PTPRA: variants seen among roughly 807,000 people sequenced by gnomAD.
The protein encoded by PTPRA is receptor-type tyrosine-protein phosphatase alpha.
In PTPRA, 25 loss-of-function variants were observed where a neutral mutation model predicts 104.8. That is an observed-to-expected ratio of 0.24 (90% CI 0.17 to 0.33). The LOEUF (loss-of-function observed/expected upper bound fraction) is 0.33. Among genes scored for constraint, PTPRA ranks in the 10% least tolerant of loss-of-function variants. The pLI is 1.00. For missense variants in PTPRA, 765 were observed against 1,015.3 expected, an observed-to-expected ratio of 0.75 and a Z score of 3.35; for synonymous variants, 323 against 368.9, an observed-to-expected ratio of 0.88 and a Z score of 1.43.
intron 7 of PTPRA, among the ~76,000 whole-genome samples, chr20:2,987,557 A>T (rs778584203): frequency 6.6e-6 from 1 of 152,176 alleles, no homozygotes; most frequent in African/African-American, 2.4e-5. Flanking sequence ...GAGAGGAATC[A>T]TGTGCCCCCT....
chr20:2,883,524 C>T (rs1237800013), intron 1 of PTPRA, among the ~76,000 whole-genome samples: 18 of 68,884 alleles, frequency 2.6e-4, no homozygotes, highest in South Asian at 1.5e-3. Flanking sequence ...TGGTGGCGGG[C>T]GCCTGTAGTC....
intron 9 of PTPRA, among the ~76,000 whole-genome samples, chr20:2,992,924 C>A (rs975067888): frequency 2.0e-5 from 3 of 152,164 alleles, no homozygotes; most frequent in Non-Finnish European, 2.9e-5. Flanking sequence ...GAAAGCCTGC[C>A]TCTTCAAAAA....
intron 1 of PTPRA, among the ~76,000 whole-genome samples, chr20:2,922,316 G>A (rs1320397933): frequency 1.3e-5 from 2 of 152,074 alleles, no homozygotes; most frequent in Admixed American, 1.3e-4. Flanking sequence ...AATCCATAAT[G>A]TTTAAATAGG....
chr20:2,980,163 C>T (rs1480537421), intron 6 of PTPRA, among the ~76,000 whole-genome samples: 2 of 142,016 alleles, frequency 1.4e-5, no homozygotes, highest in African/African-American at 2.6e-5. Context: ...CTGCCTGCCT[C>T]GGCCTCCCAA....
In PTPRA at chr20:2,988,465, G is replaced by C; in HGVS notation, c.729G>C (p.Glu243Asp). 1 of 1,612,756 alleles carries C rather than the reference G, an allele frequency of 6.2e-7. No homozygotes were observed. Among genetic ancestry groups the C allele is most frequent in the Non-Finnish European group, 8.5e-7 (1 of 1,179,752 alleles). The change falls in exon 9 of 24, where the codon GAG becomes GAC. Residue 243 changes from glutamate to aspartate, a missense_variant. Glu to Asp is a conservative substitution (Grantham distance 45). Transcript: ENST00000399903. ...CAGACGACAATAAGCTCTTCAGGGA[G>C]GAATTCAACGTGAGTACTTTGTTGA... ...RMADDNKLFR[E>D]EFNALPACPI... is the part of the protein sequence containing the mutation.
intron 3 of PTPRA, among the ~76,000 whole-genome samples, chr20:2,954,855 T>C: frequency 6.6e-6 from 1 of 152,212 alleles, no homozygotes; most frequent in East Asian, 1.9e-4. Context: ...TCGACCCATT[T>C]TTAGTTAATT....
intron 6 of PTPRA, among the ~76,000 whole-genome samples, chr20:2,985,161 T>A (rs900906596): frequency 2.0e-5 from 3 of 152,222 alleles, no homozygotes; most frequent in African/African-American, 7.2e-5. Context: ...CAGATGAGGA[T>A]GGGAATGTTC....
At chr20:2,976,081 T>G (rs750921088) in intron 6 of PTPRA, among the ~76,000 whole-genome samples, 1 of 152,184 alleles carries the variant, frequency 6.6e-6, no homozygotes, top group Non-Finnish European at 1.5e-5. Flanking sequence ...AAGTGGGTAC[T>G]CTCTTCCTTT....
At chr20:2,893,514 T>C (rs2058877921) in intron 1 of PTPRA, among the ~76,000 whole-genome samples, 1 of 152,210 alleles carries the variant, frequency 6.6e-6, no homozygotes, top group Admixed American at 6.5e-5. Context: ...TAATATATTA[T>C]GTAGCTATAT....
chr20:2,941,258 T>C lies in PTPRA; in HGVS notation c.-49-6724T>C, dbSNP rs1360607716. ...GTTGGCCAGGCTGGTCTTGAACTCCTGACCTCAGGTGATCTGCCCTCCTTG... is the reference window on the plus strand; with the variant it reads ...GTTGGCCAGGCTGGTCTTGAACTCCCGACCTCAGGTGATCTGCCCTCCTTG... On this transcript the variant is annotated intron_variant, in intron 2 of 23. Transcript: ENST00000399903. 2.0e-5 allele frequency among the ~76,000 whole-genome samples: 3 copies of C among 151,896 alleles called. No homozygotes were observed. The East Asian group carries it at 5.8e-4, about 29-fold the overall frequency.
At position 2,994,157 on chromosome 20, in the gene PTPRA, A is replaced by C. The variant is rs574200806; in HGVS notation, c.738+5683A>C. Among the ~76,000 whole-genome samples the C allele has an allele frequency of 2.0e-3, 300 of 152,320 alleles. 2 individuals are homozygous for C. Among genetic ancestry groups the C allele is most frequent in the African/African-American group, 5.7e-3 (238 of 41,560 alleles). On this transcript the variant is annotated intron_variant, in intron 9 of 23. Coordinates refer to ENST00000399903, the MANE Select transcript of PTPRA (RefSeq NM_001385305.1). ...CTTTACCTAGTACAGTTGCCATGGC[A>C]AATATCTGCAGATTATTAAGAAAAG...
At chr20:3,029,355 G>A (rs542417108) in intron 20 of PTPRA, among the ~76,000 whole-genome samples, 1 of 151,536 alleles carries the variant, frequency 6.6e-6, no homozygotes, top group East Asian at 2.0e-4. Context: ...TGCCCAGGCT[G>A]GTCTTGAACT....
At chr20:2,910,646 A>T in intron 1 of PTPRA, among the ~76,000 whole-genome samples, 1 of 115,890 alleles carries the variant, frequency 8.6e-6, no homozygotes, top group Non-Finnish European at 1.6e-5. Flanking sequence ...TCTCGCTGTC[A>T]CCCAGGCTGG....
chr20:2,933,621 C>T (rs1046285648), intron 2 of PTPRA, among the ~76,000 whole-genome samples: 3 of 151,894 alleles, frequency 2.0e-5, no homozygotes, highest in African/African-American at 7.3e-5. Flanking sequence ...CCACCACGCC[C>T]AGCTAATTTT....
chr20:2,965,084 T>C lies in PTPRA; in HGVS notation c.297T>C (p.Ile99=), dbSNP rs749892298. Residue 99 remains isoleucine (I), a synonymous_variant, in exon 5 of 24, where the codon ATT becomes ATC. Transcript: ENST00000399903. ...TRTASTNSIG[I]TISPNGTWLP... ...CAGCAAGCACCAATTCTATAGGCAT[T>C]ACAATTTCACCAAATGGAACGTGGC... 1 of 1,614,054 alleles carries C rather than the reference T, an allele frequency of 6.2e-7. No individual in the cohort carries two copies. The highest frequency in any genetic ancestry group is 8.5e-7 in the Non-Finnish European group (1 of 1,179,928).
intron 13 of PTPRA, among the ~76,000 whole-genome samples, chr20:3,020,768 A>G (rs977271634): frequency 2.8e-4 from 43 of 152,338 alleles, no homozygotes; most frequent in African/African-American, 9.6e-4. Context: ...ACAGCTCCAC[A>G]GTGGCATGGG....
chr20:2,882,583 C>T (rs531683413), intron 1 of PTPRA, among the ~76,000 whole-genome samples: 7 of 152,204 alleles, frequency 4.6e-5, no homozygotes, highest in South Asian at 2.1e-4. Flanking sequence ...CATGAGCCAC[C>T]GTGCCAACTG....
rs549885330 is a variant in PTPRA, at chr20:2,982,233, G to A, written c.443-4532G>A. On this transcript the variant is annotated intron_variant, in intron 6 of 23. Coordinates refer to ENST00000399903, the MANE Select transcript of PTPRA (RefSeq NM_001385305.1). ...AGCCTCCTGAGTAGCTGGGACCAGAGGGGTGTGCCACCACACCCGCTAATT... is the reference window on the plus strand; with the variant it reads ...AGCCTCCTGAGTAGCTGGGACCAGAAGGGTGTGCCACCACACCCGCTAATT... 1.4e-3 allele frequency among the ~76,000 whole-genome samples: 218 copies of A among 152,010 alleles called. 1 individual carries two copies. The highest frequency in any genetic ancestry group is 3.1e-3 in the Admixed American group (48 of 15,278).
chr20:2,866,608 C>CCT, the PTPRA span: 6 of 1,610,688 alleles, frequency 3.7e-6, no homozygotes, highest in Non-Finnish European at 5.1e-6. Context: ...GCAAGGGGTT[C>CCT]CTCCCCTAGC....
Sources: allele counts gnomAD v4.1 joint callset (sites outside exome capture counted in the v4.1 genomes callset), GRCh38; gene constraint gnomAD v4.1.1; transcripts MANE v1.5; gene names NCBI Gene and HGNC (gene_info 2026-07-23, HGNC 2026-07-21).